The following LRRC58 variants were observed in gnomAD, a reference collection of about 807,000 sequenced individuals.
LRRC58 encodes the protein leucine rich repeat containing 58.
A neutral mutation model predicts 30.6 loss-of-function variants in LRRC58; 18 were observed. The observed-to-expected ratio is 0.59, with a 90% CI of 0.41 to 0.87. The LOEUF is 0.87. Ranked by LOEUF, LRRC58 falls within the 40% of genes least tolerant of loss-of-function variation. The pLI is 0.00. For missense variants in LRRC58, 420 were observed against 468.4 expected (o/e 0.90, Z 0.95); for synonymous variants, 221 against 206.0 (o/e 1.07, Z -0.62).
At chr3:120,334,171 T>C (rs1340105674) in intron 3 of LRRC58, among the ~76,000 whole-genome samples, 2 of 152,190 alleles carry the variant, frequency 1.3e-5, no homozygotes, top group Admixed American at 6.5e-5. Context: ...TTAAATCTGA[T>C]ACAGGGAATG....
chr3:120,347,910 A>T (rs1402711288), intron 1 of LRRC58, among the ~76,000 whole-genome samples: 2 of 152,174 alleles, frequency 1.3e-5, no homozygotes, highest in East Asian at 1.9e-4. Context: ...AATTTAACAT[A>T]TTTACTGCAT....
chr3:120,348,846 T>A lies in LRRC58; in HGVS notation c.398A>T (p.Gln133Leu). The A allele has an allele frequency of 1.2e-6, 2 of 1,603,868 alleles. No individual in the cohort carries two copies. ...CTCTAAGAGCGAGGCAGGCACCTCCTGGAAACAGTTGCCGCTGAGGTTGAG... is the reference window on the plus strand; with the variant it reads ...CTCTAAGAGCGAGGCAGGCACCTCCAGGAAACAGTTGCCGCTGAGGTTGAG... Reference protein sequence around the residue: ...QVLNLSGNCFQEVPASLLELR... With the variant: ...QVLNLSGNCFLEVPASLLELR... The change falls in exon 1 of 4, where the codon CAG (glutamine) becomes CTG (leucine). Residue 133 changes from glutamine to leucine, a missense_variant. By Grantham distance (113) the Gln-to-Leu change is moderately radical. Transcript: ENST00000295628.
intron 1 of LRRC58, among the ~76,000 whole-genome samples, chr3:120,341,513 C>T (rs1379016580): frequency 6.6e-6 from 1 of 152,150 alleles, no homozygotes; most frequent in African/African-American, 2.4e-5. Flanking sequence ...GATTGAATGC[C>T]TGTGCCCTCC....
In LRRC58 at chr3:120,330,784, A is replaced by G. The variant is rs977174183; in HGVS notation, c.*416T>C. The G allele has an allele frequency of 1.2e-5, 3 of 246,942 alleles. No homozygotes were observed. The highest frequency in any genetic ancestry group is 2.0e-4 in the East Asian group (2 of 10,040). 15.3% of individuals were successfully genotyped at this position (246,942 alleles called of 1,614,324 possible). A position where few individuals can be genotyped will look rare whatever the true frequency, so the allele number is the denominator to read the frequency against. On this transcript the variant is annotated 3_prime_UTR_variant, in exon 4 of 4. Transcript: ENST00000295628. Reference sequence around the variant, plus strand: ...ATAGTATATATGGTATATAGTATATATGGTATACAGTGTTCTACCTAAACC... The same window carrying G: ...ATAGTATATATGGTATATAGTATATGTGGTATACAGTGTTCTACCTAAACC...
Position 120,328,862 on chromosome 3 carries a change from T to C in LRRC58, c.*2338A>G, listed in dbSNP as rs1935716693. The stretch of plus-strand genomic sequence containing the variant: ...TAAAAATTACCAAAAGACAGTTGTA[T>C]GCTGATCATAGAGTTTTCAACTATA... On this transcript the variant is annotated 3_prime_UTR_variant, in exon 4 of 4. Transcript: ENST00000295628. 1 of 152,226 alleles carries C rather than the reference T, an allele frequency of 6.6e-6. No homozygotes were observed. 9.4% of individuals were successfully genotyped at this position (152,226 alleles called of 1,614,324 possible).
rs1252160161 is a variant in LRRC58 at position 120,349,021 on chromosome 3, C to G, written c.223G>C (p.Val75Leu). 6.6e-7 allele frequency: 1 copy of G among 1,519,172 alleles called. No homozygotes were observed. Among genetic ancestry groups the G allele is most frequent in the East Asian group, 2.6e-5 (1 of 38,246 alleles). 94.1% of individuals were successfully genotyped at this position (1,519,172 alleles called of 1,614,324 possible). A position where few individuals can be genotyped will look rare whatever the true frequency, so the allele number is the denominator to read the frequency against. The change falls in exon 1 of 4, where the codon GTG becomes CTG. Residue 75 changes from valine (V) to leucine (L), a missense_variant. Coordinates refer to ENST00000295628, the MANE Select transcript of LRRC58 (RefSeq NM_001099678.2). The part of the protein sequence containing the change: ...SGFPHLQLLD[V>L]SGNALTALGP... ...AGCGCGGTCAACGCGTTGCCGCTCACGTCCAGCAGCTGGAGGTGCGGGAAG... is the reference window on the plus strand; with the variant it reads ...AGCGCGGTCAACGCGTTGCCGCTCAGGTCCAGCAGCTGGAGGTGCGGGAAG...
chr3:120,335,796 C>A lies in LRRC58; in HGVS notation c.629+29G>T, dbSNP rs767266595. 9.5e-6 allele frequency: 15 copies of A among 1,582,556 alleles called. No homozygotes were observed. In the African/African-American group the frequency reaches 1.2e-4, roughly 13 times the overall value. On this transcript the variant is annotated intron_variant, in intron 2 of 3. Transcript: ENST00000295628. Reference sequence around the variant, plus strand: ...AATAATTACTAAGCATAGATGTCTGCGTATATACAAATGCCTGGAACTACT... The same window carrying A: ...AATAATTACTAAGCATAGATGTCTGAGTATATACAAATGCCTGGAACTACT...
chr3:120,334,465 G>A lies in LRRC58; in HGVS notation c.907+397C>T, dbSNP rs576050028. Among the ~76,000 whole-genome samples, 74 of 152,136 alleles carry A rather than the reference G, an allele frequency of 4.9e-4. No homozygotes were observed. The South Asian group carries it at 0.014, about 29-fold the overall frequency. The stretch of plus-strand genomic sequence containing the variant: ...AGAGTTTGCAATGAGCCGAGATCGC[G>A]CCACTGCACTCCAGCCTGGGCAACA... On this transcript the variant is annotated intron_variant, in intron 3 of 3. Transcript: ENST00000295628.
chr3:120,344,797 G>A (rs2107627346), intron 1 of LRRC58, among the ~76,000 whole-genome samples: 1 of 152,238 alleles, frequency 6.6e-6, no homozygotes, highest in Non-Finnish European at 1.5e-5. Flanking sequence ...AAGCTATTAA[G>A]CTCTTCCTCA....
rs1422996477 is a variant in LRRC58 at position 120,331,332 on chromosome 3, G to A, written c.984C>T (p.His328=). The A allele has an allele frequency of 1.9e-6, 3 of 1,613,824 alleles. No homozygotes were observed. The highest frequency in any genetic ancestry group is 2.5e-6 in the Non-Finnish European group (3 of 1,179,848). Reference sequence around the variant, plus strand: ...AAGAACATTCTGGTGAACACAAGTAGTGCATCAGTGGGAGGCGATACTTCC... The same window carrying A: ...AAGAACATTCTGGTGAACACAAGTAATGCATCAGTGGGAGGCGATACTTCC... The part of the protein sequence containing the change: ...FCGKYRLPLM[H]YLCSPECSSP... Residue 328 remains histidine (H), a synonymous_variant, in exon 4 of 4, where the codon CAC becomes CAT. Transcript: ENST00000295628.
intron 1 of LRRC58, among the ~76,000 whole-genome samples, chr3:120,346,247 A>T (rs1473614958): frequency 6.6e-6 from 1 of 151,912 alleles, no homozygotes. Context: ...ACAGAGTGAA[A>T]CTCCATCTCA....
chr3:120,335,841 G>A lies in LRRC58; in HGVS notation c.613C>T (p.Pro205Ser). The change falls in exon 2 of 4, where the codon CCT becomes TCT. Residue 205 changes from proline (P) to serine (S), a missense_variant. By Grantham distance (74) the Pro-to-Ser change is moderately conservative (BLOSUM62 -1). Coordinates refer to ENST00000295628, the MANE Select transcript of LRRC58 (RefSeq NM_001099678.2). Reference sequence around the variant, plus strand: ...ACTACTCACTGTGAAAGTTGAGGAGGTATGCTTTGGATTTTGTTGTCACAT... The same window carrying A: ...ACTACTCACTGTGAAAGTTGAGGAGATATGCTTTGGATTTTGTTGTCACAT... The part of the protein sequence containing the change: ...VLCDNKIQSI[P>S]PQLSQLHSLR... 1 of 1,611,210 alleles carries A rather than the reference G, an allele frequency of 6.2e-7. No individual in the cohort carries two copies. The highest frequency in any genetic ancestry group is 8.5e-7 in the Non-Finnish European group (1 of 1,177,774).
At position 120,333,815 on chromosome 3, in the gene LRRC58, A is replaced by G. The variant is rs545710365; in HGVS notation, c.907+1047T>C. ...CTCCCCTAACCTTACATTTGGAGCA[A>G]ATTACTACTCATCCAACAGTCTGCC... On this transcript the variant is annotated intron_variant, in intron 3 of 3. Coordinates refer to ENST00000295628, the MANE Select transcript of LRRC58 (RefSeq NM_001099678.2). 1.6e-3 allele frequency among the ~76,000 whole-genome samples: 249 copies of G among 152,260 alleles called. 3 individuals carry two copies. The highest frequency in any genetic ancestry group is 3.4e-3 in the Admixed American group (52 of 15,290).
intron 1 of LRRC58, among the ~76,000 whole-genome samples, chr3:120,344,609 T>C (rs1347780107): frequency 6.6e-6 from 1 of 152,210 alleles, no homozygotes; most frequent in Non-Finnish European, 1.5e-5. Context: ...AAACAGATGG[T>C]GAGAGGCATC....
At chr3:120,338,364 C>G (rs938204224) in intron 1 of LRRC58, among the ~76,000 whole-genome samples, 1 of 152,176 alleles carries the variant, frequency 6.6e-6, no homozygotes. Flanking sequence ...CAAATATGAA[C>G]TAACACCTAC....
chr3:120,324,624 A>G lies in LRRC58; in HGVS notation c.*6576T>C, dbSNP rs1477504204. The G allele has an allele frequency of 6.6e-6, 1 of 152,218 alleles. No individual in the cohort carries two copies. Among genetic ancestry groups the G allele is most frequent in the African/African-American group, 2.4e-5 (1 of 41,458 alleles). The allele number at this position is 152,218 out of a possible 1,614,324, so 9.4% of individuals were successfully genotyped here. On this transcript the variant is annotated 3_prime_UTR_variant, in exon 4 of 4. Transcript: ENST00000295628. ...GGATTCCAACAAAACAGTTTTATTA[A>G]AATAAGGCACAATGTTTGATATGGC...
intron 1 of LRRC58, among the ~76,000 whole-genome samples, chr3:120,342,991 C>T (rs1208360983): frequency 6.6e-6 from 1 of 152,144 alleles, no homozygotes; most frequent in Non-Finnish European, 1.5e-5. Context: ...CAGTCAGGAA[C>T]CAAGAAAAAC....
At chr3:120,342,959 T>C (rs1196719124) in intron 1 of LRRC58, among the ~76,000 whole-genome samples, 1 of 152,232 alleles carries the variant, frequency 6.6e-6, no homozygotes, top group African/African-American at 2.4e-5. Flanking sequence ...CGTCTTGTTA[T>C]AGTAGCCTGA....
Position 120,326,807 on chromosome 3 carries a change from T to A in LRRC58, c.*4393A>T, listed in dbSNP as rs539132362. ...ATAGTTTTGTCTACCAAGGGTCTTATGAAAATTTAGGAATAATAACCATTA... is the reference window on the plus strand; with the variant it reads ...ATAGTTTTGTCTACCAAGGGTCTTAAGAAAATTTAGGAATAATAACCATTA... On this transcript the variant is annotated 3_prime_UTR_variant, in exon 4 of 4. Transcript: ENST00000295628. 2 of 152,370 alleles carry A rather than the reference T, an allele frequency of 1.3e-5. No homozygotes were observed. The highest frequency in any genetic ancestry group is 2.9e-5 in the Non-Finnish European group (2 of 68,036). The allele number at this position is 152,370 out of a possible 1,614,324, so 9.4% of individuals were successfully genotyped here.
Sources: allele counts gnomAD v4.1 joint callset (sites outside exome capture counted in the v4.1 genomes callset), GRCh38; gene constraint gnomAD v4.1.1; transcripts MANE v1.5; gene names NCBI Gene and HGNC (gene_info 2026-07-23, HGNC 2026-07-21).